The following PARM1 variants were observed in gnomAD, a reference collection of about 807,000 sequenced individuals.
PARM1 encodes prostate androgen-regulated mucin-like protein 1.
A neutral mutation model predicts 24.6 loss-of-function variants in PARM1; 14 were observed. That is an observed-to-expected ratio of 0.57 (90% CI 0.38 to 0.89). PARM1 has a LOEUF of 0.89. Ranked by LOEUF, PARM1 falls within the 40% of genes least tolerant of loss-of-function variation. PARM1 has a pLI of 0.00. For synonymous variants in PARM1, 179 were observed against 156.6 expected (o/e 1.14, Z -1.07); for missense variants, 362 against 380.4 (o/e 0.95, Z 0.40).
In PARM1 at chr4:75,047,160, G is replaced by A. The variant is rs936288914; in HGVS notation, c.*913G>A. On this transcript the variant is annotated 3_prime_UTR_variant, in exon 4 of 4. Coordinates refer to ENST00000307428, the MANE Select transcript of PARM1 (RefSeq NM_015393.4). ...TTAGGACAAGTGAGAATCAGCTATT[G>A]ATAATGGCCAGAGATATCCACAGCT... 1.6e-4 allele frequency: 24 copies of A among 152,334 alleles called. No individual in the cohort carries two copies. Among genetic ancestry groups the A allele is most frequent in the African/African-American group, 5.8e-4 (24 of 41,444 alleles). 9.4% of individuals were successfully genotyped at this position (152,334 alleles called of 1,614,324 possible).
At chr4:74,980,434 G>T (rs546068550) in intron 1 of PARM1, among the ~76,000 whole-genome samples, 1 of 152,064 alleles carries the variant, frequency 6.6e-6, no homozygotes, top group Non-Finnish European at 1.5e-5. Flanking sequence ...ACTTCAAGCA[G>T]AACTACAAAC....
intron 3 of PARM1, among the ~76,000 whole-genome samples, chr4:75,040,621 T>A (rs972156587): frequency 6.6e-6 from 1 of 152,322 alleles, no homozygotes; most frequent in East Asian, 1.9e-4. Flanking sequence ...GCCCCAAAAT[T>A]GTGGTTCACA....
chr4:74,970,482 C>T (rs369602673), intron 1 of PARM1: 1 of 152,248 alleles, frequency 6.6e-6, no homozygotes, highest in African/African-American at 2.4e-5. Flanking sequence ...TCCCAGTGCT[C>T]TAGCTGTGTG....
At chr4:74,941,044 A>G (rs1417259810) in intron 1 of PARM1, among the ~76,000 whole-genome samples, 1 of 152,206 alleles carries the variant, frequency 6.6e-6, no homozygotes, top group Non-Finnish European at 1.5e-5. Flanking sequence ...AAAAGAGGCA[A>G]GTTATTGGTA....
chr4:75,006,273 C>T (rs574020111), intron 1 of PARM1, among the ~76,000 whole-genome samples: 1 of 151,954 alleles, frequency 6.6e-6, no homozygotes, highest in East Asian at 1.9e-4. Context: ...GGTATATCTC[C>T]TAATGCTATC....
chr4:75,039,690 C>T (rs186351432), intron 3 of PARM1, among the ~76,000 whole-genome samples: 21 of 152,204 alleles, frequency 1.4e-4, no homozygotes, highest in East Asian at 1.2e-3. Context: ...CTGTTTTACC[C>T]GCTTCTAACA....
intron 1 of PARM1, among the ~76,000 whole-genome samples, chr4:74,973,352 G>T (rs2109766487): frequency 6.6e-6 from 1 of 152,168 alleles, no homozygotes; most frequent in Admixed American, 6.5e-5. Flanking sequence ...AATATGAACA[G>T]ACTTTTAAGG....
intron 1 of PARM1, among the ~76,000 whole-genome samples, chr4:74,982,528 A>G (rs1308977585): frequency 6.6e-6 from 1 of 152,218 alleles, no homozygotes; most frequent in African/African-American, 2.4e-5. Flanking sequence ...AAGAAAATTC[A>G]AGCAACAAAC....
At chr4:74,972,663 C>T (rs1297991009) in intron 1 of PARM1, among the ~76,000 whole-genome samples, 2 of 151,864 alleles carry the variant, frequency 1.3e-5, no homozygotes, top group Non-Finnish European at 2.9e-5. Flanking sequence ...TATGAAAATT[C>T]TTCCGGTAAA....
intron 1 of PARM1, among the ~76,000 whole-genome samples, chr4:74,973,938 G>A (rs376447490): frequency 7.3e-4 from 111 of 152,060 alleles, no homozygotes; most frequent in Non-Finnish European, 1.1e-3. Context: ...GAATTGGCTC[G>A]GATGATTACA....
At chr4:75,017,959 GAGCAATAGCT>G in intron 2 of PARM1, among the ~76,000 whole-genome samples, 1 of 152,334 alleles carries the variant, frequency 6.6e-6, no homozygotes, top group African/African-American at 2.4e-5. Flanking sequence ...TATGGCTGTT[GAGCAATAGCT>G]CAATCAATGG....
At chr4:74,980,229 C>T (rs757861095) in intron 1 of PARM1, among the ~76,000 whole-genome samples, 14 of 152,292 alleles carry the variant, frequency 9.2e-5, no homozygotes, top group Admixed American at 3.3e-4. Context: ...ATCATCTCCG[C>T]CCCAAAGCTT....
At position 75,017,221 on chromosome 4, in the gene PARM1, A is replaced by C. The variant is rs1007052797; in HGVS notation, c.769+4071A>C. Among the ~76,000 whole-genome samples, 4 of 152,134 alleles carry C rather than the reference A, an allele frequency of 2.6e-5. No homozygotes were observed. The East Asian group carries it at 7.7e-4, about 29-fold the overall frequency. On this transcript the variant is annotated intron_variant, in intron 2 of 3. Transcript: ENST00000307428. ...CGGGCAGATCTTTTCAAAACTCAGA[A>C]CAGACTCCACTATCCATCCGCTCTC...
chr4:75,001,741 A>G (rs1722683636), intron 1 of PARM1, among the ~76,000 whole-genome samples: 1 of 152,210 alleles, frequency 6.6e-6, no homozygotes, highest in Non-Finnish European at 1.5e-5. Flanking sequence ...GAAGAGAAAG[A>G]GGCACATCAA....
chr4:74,974,741 G>A (rs1051381705), intron 1 of PARM1, among the ~76,000 whole-genome samples: 1 of 152,110 alleles, frequency 6.6e-6, no homozygotes, highest in Non-Finnish European at 1.5e-5. Flanking sequence ...TCAATGTGAT[G>A]GTATTTGGAG....
chr4:74,945,516 G>C (rs903812092), intron 1 of PARM1, among the ~76,000 whole-genome samples: 2 of 152,190 alleles, frequency 1.3e-5, no homozygotes, highest in Admixed American at 6.5e-5. Context: ...GTAATGGTTA[G>C]AGAAGGTTCT....
At chr4:74,989,581 A>G (rs1331091427) in intron 1 of PARM1, among the ~76,000 whole-genome samples, 3 of 152,078 alleles carry the variant, frequency 2.0e-5, no homozygotes, top group Non-Finnish European at 4.4e-5. Flanking sequence ...GTTCCTTTTG[A>G]GTTTTTATGG....
chr4:74,950,337 T>G (rs115826953), intron 1 of PARM1, among the ~76,000 whole-genome samples: 2 of 152,276 alleles, frequency 1.3e-5, no homozygotes, highest in African/African-American at 4.8e-5. Flanking sequence ...CCTCCTTGCT[T>G]CTTCTAGCTT....
rs542761911 is a variant in PARM1, at chr4:74,983,752, C to A, written c.44-28673C>A. ...TGGACACTCAATTATTATTTTAATT[C>A]CTTCTGGCTTCCCTTTCCACCCCAC... On this transcript the variant is annotated intron_variant, in intron 1 of 3. Transcript: ENST00000307428. Among the ~76,000 whole-genome samples the A allele has an allele frequency of 3.1e-4, 47 of 152,302 alleles. 2 individuals carry two copies. In the South Asian group the frequency reaches 9.5e-3, roughly 31 times the overall value.
Sources: gnomAD v4.1 joint callset for allele counts (sites outside exome capture counted in the v4.1 genomes callset) on GRCh38, gnomAD v4.1.1 for gene constraint, MANE v1.5 for transcripts, NCBI Gene and HGNC (gene_info 2026-07-23, HGNC 2026-07-21) for gene names.